SFMBT1: variants seen among roughly 807,000 people sequenced by gnomAD.
SFMBT1 encodes the protein scm-like with four MBT domains protein 1.
A neutral mutation model predicts 108.7 loss-of-function variants in SFMBT1; 32 were observed. That is an observed-to-expected ratio of 0.29 (90% confidence interval 0.22 to 0.40). SFMBT1 has a LOEUF of 0.40. Ranked by LOEUF, SFMBT1 falls within the 10% of genes least tolerant of loss-of-function variation. SFMBT1 has a pLI of 1.00. For synonymous variants in SFMBT1, 348 were observed against 369.5 expected (o/e 0.94, Z 0.67); for missense variants, 816 against 1,059.6 (o/e 0.77, Z 3.19).
rs555746054 is a variant in SFMBT1 at position 53,017,562 on chromosome 3, G to A, written c.-131+28254C>T. Among the ~76,000 whole-genome samples, 5 of 152,204 alleles carry A rather than the reference G, an allele frequency of 3.3e-5. No homozygotes were observed. In the South Asian group the frequency reaches 6.2e-4, roughly 19 times the overall value. On this transcript the variant is annotated intron_variant, in intron 1 of 20. Transcript: ENST00000394752. ...ATTAAGTCTTACACAGTTAGTAAAG[G>A]AAACCTTCCTCCAACAGAAGAGTGA...
At chr3:52,960,633 ATCTC>A (rs972576763) in intron 2 of SFMBT1, among the ~76,000 whole-genome samples, 19 of 152,000 alleles carry the variant, frequency 1.3e-4, no homozygotes, top group African/African-American at 2.7e-4. Flanking sequence ...CTATCTATCT[ATCTC>A]TCTATCTATC....
Position 52,991,342 on chromosome 3 carries a change from C to CTTTT in SFMBT1, c.-130-22088_-130-22085dup, listed in dbSNP as rs71087045. Among the ~76,000 whole-genome samples, 59 of 91,218 alleles carry CTTTT rather than the reference C, an allele frequency of 6.5e-4. 3 individuals are homozygous for CTTTT. The highest frequency in any genetic ancestry group is 0.01 in the Middle Eastern group (1 of 98). 59.8% of individuals were successfully genotyped at this position (91,218 alleles called of 152,430 possible). A position where few individuals can be genotyped will look rare whatever the true frequency, so the allele number is the denominator to read the frequency against. ...ACCCAAAATTCACATGCTGAAACTTCTTTTTTTTTTTTTTTTTTTGAGATG... is the reference window on the plus strand; with the variant it reads ...ACCCAAAATTCACATGCTGAAACTTCTTTTTTTTTTTTTTTTTTTTTTTGAGATG... On this transcript the variant is annotated intron_variant, in intron 1 of 20. Coordinates refer to ENST00000394752, the MANE Select transcript of SFMBT1 (RefSeq NM_016329.4).
intron 1 of SFMBT1, among the ~76,000 whole-genome samples, chr3:53,007,831 T>C (rs1698799485): frequency 6.6e-6 from 1 of 152,146 alleles, no homozygotes; most frequent in South Asian, 2.1e-4. Context: ...TGTCACCTAC[T>C]AGGAGGCAAT....
chr3:52,918,275 T>C (rs1702419510), intron 13 of SFMBT1, among the ~76,000 whole-genome samples: 1 of 152,240 alleles, frequency 6.6e-6, no homozygotes, highest in Non-Finnish European at 1.5e-5. Context: ...AAACTCAATT[T>C]AGACACCATC....
intron 2 of SFMBT1, among the ~76,000 whole-genome samples, chr3:52,961,968 G>A (rs942124875): frequency 2.6e-5 from 4 of 152,190 alleles, no homozygotes; most frequent in Non-Finnish European, 4.4e-5. Context: ...GATGTGATGA[G>A]ATGATGAGCA....
intron 1 of SFMBT1, among the ~76,000 whole-genome samples, chr3:53,031,325 T>C (rs1279937259): frequency 2.0e-5 from 3 of 152,190 alleles, no homozygotes; most frequent in African/African-American, 4.8e-5. Context: ...AGACTGCTGA[T>C]TGCCTCTTTG....
intron 2 of SFMBT1, among the ~76,000 whole-genome samples, chr3:52,959,492 G>T (rs1484624977): frequency 6.6e-6 from 1 of 151,964 alleles, no homozygotes; most frequent in Non-Finnish European, 1.5e-5. Context: ...CACCACACTC[G>T]GGTGACAATG....
intron 3 of SFMBT1, 49 bp downstream of exon 3, chr3:52,954,268 C>T (rs374261260): frequency 1.7e-5 from 23 of 1,314,396 alleles, no homozygotes; most frequent in African/African-American, 1.2e-4. Context: ...TACAGAGATT[C>T]GAAATAAAGG....
At chr3:52,910,270 T>C (rs1478096567) in intron 17 of SFMBT1, among the ~76,000 whole-genome samples, 1 of 152,176 alleles carries the variant, frequency 6.6e-6, no homozygotes, top group African/African-American at 2.4e-5. Context: ...GTTTTCTTTA[T>C]TGTTGTATCC....
intron 1 of SFMBT1, among the ~76,000 whole-genome samples, chr3:52,978,617 T>C (rs1158945842): frequency 2.0e-5 from 3 of 152,188 alleles, no homozygotes; most frequent in East Asian, 3.8e-4. Flanking sequence ...CCTCAATATA[T>C]ACCCAAGACA....
intron 4 of SFMBT1, among the ~76,000 whole-genome samples, chr3:52,940,465 G>C (rs938165379): frequency 6.6e-6 from 1 of 152,100 alleles, no homozygotes; most frequent in Admixed American, 6.5e-5. Flanking sequence ...AGGATCAAAA[G>C]AAATATAAAG....
intron 1 of SFMBT1, among the ~76,000 whole-genome samples, chr3:53,024,092 A>C (rs940586583): frequency 2.0e-5 from 3 of 152,228 alleles, no homozygotes; most frequent in Non-Finnish European, 4.4e-5. Flanking sequence ...TAAATAAAAC[A>C]CATAGTGTGT....
chr3:52,987,502 G>A (rs1294659849), intron 1 of SFMBT1, among the ~76,000 whole-genome samples: 1 of 152,104 alleles, frequency 6.6e-6, no homozygotes, highest in African/African-American at 2.4e-5. Context: ...GGCCACCATT[G>A]ACTGAAACAC....
intron 1 of SFMBT1, among the ~76,000 whole-genome samples, chr3:53,019,678 C>T (rs1699239200): frequency 1.3e-5 from 2 of 152,266 alleles, no homozygotes; most frequent in South Asian, 4.2e-4. Context: ...CTCCATTTTT[C>T]ACTGTCATCA....
At chr3:52,947,428 T>C (rs948887112) in intron 3 of SFMBT1, among the ~76,000 whole-genome samples, 1 of 152,108 alleles carries the variant, frequency 6.6e-6, no homozygotes, top group African/African-American at 2.4e-5. Context: ...CTTTTTTCAC[T>C]TTTAACCATT....
chr3:52,915,378 CTAACCCT>C (rs1284768512), intron 14 of SFMBT1, among the ~76,000 whole-genome samples: 3 of 152,224 alleles, frequency 2.0e-5, no homozygotes, highest in Non-Finnish European at 4.4e-5. Context: ...TTACACAGTC[CTAACCCT>C]CTATGTACAA....
Position 52,913,581 on chromosome 3 carries a change from T to C in SFMBT1, c.1517A>G (p.Tyr506Cys). The C allele has an allele frequency of 6.2e-7, 1 of 1,614,092 alleles. No individual in the cohort carries two copies. The highest frequency in any genetic ancestry group is 8.5e-7 in the Non-Finnish European group (1 of 1,180,010). ...CCCTGAGAAGCAACGGTGGTTGAAG[T>C]ATATCTTTGGACAGCAATATTTTCC... Reference protein sequence around the residue: ...INGKYCCPKIYFNHRCFSGPY... With the variant: ...INGKYCCPKICFNHRCFSGPY... The change falls in exon 15 of 21, where the codon TAC (tyrosine) becomes TGC (cysteine). Residue 506 changes from tyrosine to cysteine, a missense_variant. Tyr to Cys is a radical substitution (Grantham distance 194). Around this residue, in one of 5 missense-constraint regions of SFMBT1, gnomAD observed 16 missense variants for 57.5 expected, o/e 0.28. Coordinates refer to ENST00000394752, the MANE Select transcript of SFMBT1 (RefSeq NM_016329.4).
At chr3:52,968,169 A>G (rs1342386458) in intron 2 of SFMBT1, among the ~76,000 whole-genome samples, 1 of 152,228 alleles carries the variant, frequency 6.6e-6, no homozygotes, top group East Asian at 1.9e-4. Flanking sequence ...GCATTATTAA[A>G]GCCCATCTCA....
intron 5 of SFMBT1, among the ~76,000 whole-genome samples, chr3:52,932,945 T>A (rs572393451): frequency 2.0e-5 from 3 of 151,988 alleles, no homozygotes; most frequent in African/African-American, 7.2e-5. Context: ...AAAGCAAATA[T>A]CAAAATACCA....
Sources: allele counts gnomAD v4.1 joint callset (sites outside exome capture counted in the v4.1 genomes callset), GRCh38; gene constraint gnomAD v4.1.1; regional missense constraint gnomAD v4.1.1; transcripts MANE v1.5; gene names NCBI Gene and HGNC (gene_info 2026-07-23, HGNC 2026-07-21).